Variants in AP1G1 observed in about 807,000 individuals in gnomAD.
AP1G1 encodes AP-1 complex subunit gamma-1.
AP1G1 carries 7 observed loss-of-function variants against 108.3 expected under a neutral mutation model. The ratio of observed to expected loss-of-function variants is 0.06; its 90% CI spans 0.04 to 0.12. The LOEUF (loss-of-function observed/expected upper bound fraction) is 0.12. AP1G1 is among the 10% of genes least tolerant of loss of function. The pLI is 1.00. For synonymous variants in AP1G1, 379 were observed against 353.5 expected, an observed-to-expected ratio of 1.07 and a Z score of -0.81; for missense variants, 756 against 1,010.7, an observed-to-expected ratio of 0.75 and a Z score of 3.42.
Position 71,739,079 on chromosome 16 carries a change from T to C in AP1G1, c.2131A>G (p.Ser711Gly). The C allele has an allele frequency of 6.2e-7, 1 of 1,614,228 alleles. No individual in the cohort carries two copies. The highest frequency in any genetic ancestry group is 8.5e-7 in the Non-Finnish European group (1 of 1,180,028). The stretch of plus-strand genomic sequence containing the variant: ...AATTCTATCTTCAAGCCATTCTTAC[T>C]GTATGCTGTGATGGAGGGGATGCCT... Reference protein sequence around the residue: ...AAGIPSITAYSKNGLKIEFTF... With the variant: ...AAGIPSITAYGKNGLKIEFTF... The change falls in exon 21 of 23, where the codon AGT becomes GGT. Residue 711 changes from serine (S) to glycine (G), a missense_variant. Ser to Gly is a moderately conservative substitution (Grantham distance 56). Transcript: ENST00000299980.
At chr16:71,808,365 G>T in intron 1 of AP1G1, 1 of 859,766 alleles carries the variant, frequency 1.2e-6, no homozygotes, top group Non-Finnish European at 1.5e-6. Context: ...ACCTGACACG[G>T]GTACAAGACA....
intron 21 of AP1G1, 115 bp downstream of exon 21, chr16:71,738,823 GAATT>G: frequency 2.2e-6 from 2 of 918,340 alleles, no homozygotes; most frequent in Non-Finnish European, 3.3e-6. Flanking sequence ...TTGTTAGTTT[GAATT>G]AAGTCTACAA....
chr16:71,795,867 C>T (rs189758871), intron 1 of AP1G1, among the ~76,000 whole-genome samples: 20 of 152,234 alleles, frequency 1.3e-4, no homozygotes, highest in African/African-American at 4.6e-4. Flanking sequence ...AATGTGTTCA[C>T]AGAAGGGAAA....
chr16:71,745,708 G>A, intron 17 of AP1G1, 94 bp from the exon 18 acceptor site: 3 of 1,032,870 alleles, frequency 2.9e-6, no homozygotes, highest in Non-Finnish European at 4.5e-6. Flanking sequence ...CAAGCATGGA[G>A]ATCTATCTCC....
chr16:71,750,836 AATTTT>A (rs1385591324), intron 13 of AP1G1, among the ~76,000 whole-genome samples: 3 of 152,118 alleles, frequency 2.0e-5, no homozygotes, highest in South Asian at 2.1e-4. Flanking sequence ...TACATTTTTA[AATTTT>A]ATTTTATTTT....
intron 1 of AP1G1, chr16:71,806,819 T>TA (rs2033012925): frequency 1.4e-6 from 1 of 695,122 alleles, no homozygotes; most frequent in South Asian, 1.7e-5. Context: ...AAAATCTGCT[T>TA]AAATAACAAG....
chr16:71,735,779 G>C (rs2045527641), intron 21 of AP1G1, among the ~76,000 whole-genome samples: 1 of 151,872 alleles, frequency 6.6e-6, no homozygotes, highest in African/African-American at 2.4e-5. Flanking sequence ...AAATATTTGA[G>C]AGAGAGAGAC....
intron 1 of AP1G1, among the ~76,000 whole-genome samples, chr16:71,792,581 A>G (rs2145533613): frequency 6.6e-6 from 1 of 152,234 alleles, no homozygotes. Flanking sequence ...GGCCGGGTGC[A>G]GTGGCTCACA....
At chr16:71,760,825 G>A (rs2031051258) in intron 10 of AP1G1, among the ~76,000 whole-genome samples, 1 of 152,092 alleles carries the variant, frequency 6.6e-6, no homozygotes, top group African/African-American at 2.4e-5. Flanking sequence ...GGCATTACAG[G>A]GGTGAACCAC....
chr16:71,801,664 G>C (rs1039250081), intron 1 of AP1G1, among the ~76,000 whole-genome samples: 4 of 152,138 alleles, frequency 2.6e-5, no homozygotes, highest in Non-Finnish European at 5.9e-5. Flanking sequence ...GGTGGGTCAC[G>C]CCTGTTATCC....
At chr16:71,785,244 A>T in intron 2 of AP1G1, among the ~76,000 whole-genome samples, 2 of 152,196 alleles carry the variant, frequency 1.3e-5, no homozygotes, top group South Asian at 4.1e-4. Context: ...TATAAAGTAG[A>T]CTCACATACC....
chr16:71,761,399 G>C, intron 10 of AP1G1, 113 bp downstream of exon 10: 1 of 787,564 alleles, frequency 1.3e-6, no homozygotes, highest in East Asian at 2.6e-5. Flanking sequence ...TAAAAATTCT[G>C]AGCTAAAAGT....
At chr16:71,774,636 A>G in intron 2 of AP1G1, 44 bp from the exon 3 acceptor site, 1 of 1,536,742 alleles carries the variant, frequency 6.5e-7, no homozygotes, top group Non-Finnish European at 8.7e-7. Context: ...AAAACTTGCT[A>G]CCACAATCTA....
intron 1 of AP1G1, chr16:71,808,008 A>T: frequency 1.7e-6 from 2 of 1,209,918 alleles, no homozygotes; most frequent in Non-Finnish European, 1.0e-6. Flanking sequence ...TGCTTCATAA[A>T]CATTACCCTG....
intron 9 of AP1G1, among the ~76,000 whole-genome samples, chr16:71,762,861 CAGA>C (rs1408970169): frequency 6.6e-6 from 1 of 152,158 alleles, no homozygotes; most frequent in Non-Finnish European, 1.5e-5. Context: ...ACTGGTTAGT[CAGA>C]AGCACAGGTC....
In AP1G1 at chr16:71,757,188, C is replaced by T. The variant is rs553363419; in HGVS notation, c.1089-1029G>A. 2.6e-5 allele frequency among the ~76,000 whole-genome samples: 4 copies of T among 152,270 alleles called. No individual in the cohort carries two copies. The South Asian group carries it at 6.2e-4, about 24-fold the overall frequency. ...ATTTAGGCTGGGCACAAGTGGCTCA[C>T]GCCTGTAATCCCAGCACTTTGGGAG... is the stretch of plus-strand genomic sequence containing the variant. On this transcript the variant is annotated intron_variant, in intron 11 of 22. Coordinates refer to ENST00000299980, the MANE Select transcript of AP1G1 (RefSeq NM_001128.6).
At chr16:71,761,744 T>C (rs1194252259) in intron 9 of AP1G1, among the ~76,000 whole-genome samples, 177 bp from the exon 10 acceptor site, 3 of 136,916 alleles carry the variant, frequency 2.2e-5, no homozygotes, top group African/African-American at 8.4e-5. Context: ...CCAAGGCCGG[T>C]GGATCGCCAG....
At chr16:71,795,067 C>T (rs552848773) in intron 1 of AP1G1, among the ~76,000 whole-genome samples, 1 of 151,948 alleles carries the variant, frequency 6.6e-6, no homozygotes, top group Admixed American at 6.6e-5. Context: ...AGCTGCTCAC[C>T]AACAGCTATG....
chr16:71,774,009 C>G (rs1187136656), intron 3 of AP1G1, among the ~76,000 whole-genome samples: 1 of 148,742 alleles, frequency 6.7e-6, no homozygotes. Flanking sequence ...ACCTCGTGAT[C>G]TGAGATCACG....
Sources: allele counts gnomAD v4.1 joint callset (sites outside exome capture counted in the v4.1 genomes callset), GRCh38; gene constraint gnomAD v4.1.1; transcripts MANE v1.5; gene names NCBI Gene and HGNC (gene_info 2026-07-23, HGNC 2026-07-21).